The following ARHGEF3 variants were observed in gnomAD, a reference collection of about 807,000 sequenced individuals.
ARHGEF3 encodes 59.8 kDA protein.
In ARHGEF3, 28 loss-of-function variants were observed where a neutral mutation model predicts 63.2. That is an observed-to-expected ratio of 0.44 (90% CI 0.33 to 0.61). The LOEUF (loss-of-function observed/expected upper bound fraction) is 0.61. ARHGEF3 is among the 20% of genes least tolerant of loss of function. ARHGEF3 has a pLI of 0.03. For synonymous variants in ARHGEF3, 266 were observed against 254.2 expected (o/e 1.05, Z -0.44); for missense variants, 533 against 659.3 (o/e 0.81, Z 2.10).
In ARHGEF3 at chr3:56,962,663, T is replaced by C. The variant is rs1212132934; in HGVS notation, c.63-3774A>G. On this transcript the variant is annotated intron_variant, in intron 2 of 12. Transcript: ENST00000338458. ...GGGGTTGGAGTTGGGGGGCTGCTAT[T>C]GTGGAGGGAGGTTACAACCTTACAA... Among the ~76,000 whole-genome samples the C allele has an allele frequency of 2.6e-5, 4 of 152,120 alleles. 1 individual carries two copies. The highest frequency in any genetic ancestry group is 5.9e-5 in the Non-Finnish European group (4 of 68,006).
chr3:56,809,195 A>G (rs1431947716), intron 4 of ARHGEF3, among the ~76,000 whole-genome samples: 1 of 152,246 alleles, frequency 6.6e-6, no homozygotes, highest in Non-Finnish European at 1.5e-5. Flanking sequence ...AACACAAGAC[A>G]GACAAAAGAA....
In ARHGEF3 at chr3:56,745,267, G is replaced by A. The variant is rs1159186605; in HGVS notation, c.808C>T (p.Leu270Phe). ...RSRLVKYPLL[L>F]REILRHTPND... ...GGTGTGTGCCTCAAGATTTCTCGGAGAAGCAGAGGGTATTTTACCAGGCGG... is the reference window on the plus strand; with the variant it reads ...GGTGTGTGCCTCAAGATTTCTCGGAAAAGCAGAGGGTATTTTACCAGGCGG... Residue 270 changes from leucine (L) to phenylalanine (F), a missense_variant, in exon 7 of 10, where the codon CTC becomes TTC. Coordinates refer to ENST00000296315, the MANE Select transcript of ARHGEF3 (RefSeq NM_019555.3). The A allele has an allele frequency of 6.2e-7, 1 of 1,613,986 alleles. No individual in the cohort carries two copies. The highest frequency in any genetic ancestry group is 1.3e-5 in the African/African-American group (1 of 74,894).
Position 56,755,052 on chromosome 3 carries a change from T to G in ARHGEF3, c.304A>C (p.Lys102Gln). ...ACATCGAAGGTCTCACTCCACAGCT[T>G]GCTATCTCTCCGTTTCGTGCTCGAG... ...APSSTKRRDS[K>Q]LWSETFDVCV... is the part of the protein sequence containing the mutation. The change falls in exon 3 of 10, where the codon AAG (lysine) becomes CAG (glutamine). Residue 102 changes from lysine to glutamine, a missense_variant. Physicochemically the swap from Lys to Gln is moderately conservative, Grantham distance 53. Transcript: ENST00000296315. The G allele has an allele frequency of 6.2e-7, 1 of 1,614,124 alleles. No individual in the cohort carries two copies. The highest frequency in any genetic ancestry group is 8.5e-7 in the Non-Finnish European group (1 of 1,180,030).
At chr3:56,990,483 G>A (rs888574197) in intron 2 of ARHGEF3, among the ~76,000 whole-genome samples, 1 of 152,216 alleles carries the variant, frequency 6.6e-6, no homozygotes, top group Non-Finnish European at 1.5e-5. Context: ...ACACTCGGGA[G>A]GCTGAGGCAG....
intron 3 of ARHGEF3, among the ~76,000 whole-genome samples, chr3:56,918,077 C>T (rs2042031354): frequency 6.6e-6 from 1 of 152,184 alleles, no homozygotes; most frequent in Non-Finnish European, 1.5e-5. Context: ...GGGGTAAGGG[C>T]AGGTATTCCT....
intron 4 of ARHGEF3, among the ~76,000 whole-genome samples, chr3:56,815,276 A>C (rs1469631755): frequency 1.3e-5 from 2 of 152,240 alleles, no homozygotes. Context: ...AGGTGATTTA[A>C]ACATAAATGT....
At chr3:56,855,859 G>A (rs1044063554) in intron 4 of ARHGEF3, among the ~76,000 whole-genome samples, 5 of 152,114 alleles carry the variant, frequency 3.3e-5, no homozygotes, top group Non-Finnish European at 2.9e-5. Flanking sequence ...CACAGTTACC[G>A]TCAGAAAAGG....
chr3:56,737,160 C>T, intron 8 of ARHGEF3, 25 bp downstream of exon 8: 1 of 1,593,694 alleles, frequency 6.3e-7, no homozygotes, highest in Non-Finnish European at 8.6e-7. Flanking sequence ...GCGGATAAGA[C>T]TGCTTAAAGG....
At chr3:57,005,605 G>T (rs754680374) in intron 2 of ARHGEF3, among the ~76,000 whole-genome samples, 8 of 152,146 alleles carry the variant, frequency 5.3e-5, no homozygotes, top group Non-Finnish European at 1.2e-4. Context: ...TGCCCATCCT[G>T]CTCCCTATCG....
At chr3:57,057,270 C>T (rs1254876222) in intron 1 of ARHGEF3, among the ~76,000 whole-genome samples, 1 of 152,130 alleles carries the variant, frequency 6.6e-6, no homozygotes, top group Admixed American at 6.5e-5. Flanking sequence ...TGCCACCACA[C>T]TTGGCTAATT....
At chr3:56,988,037 T>C (rs1701610424) in intron 2 of ARHGEF3, among the ~76,000 whole-genome samples, 1 of 152,202 alleles carries the variant, frequency 6.6e-6, no homozygotes, top group African/African-American at 2.4e-5. Flanking sequence ...ACCTGCTAAG[T>C]GACCCTCAGC....
intron 1 of ARHGEF3, among the ~76,000 whole-genome samples, chr3:57,059,708 G>A (rs183038744): frequency 3.7e-4 from 57 of 152,222 alleles, no homozygotes; most frequent in African/African-American, 7.7e-4. Context: ...TTAAAAAGAC[G>A]AAGAGGGGCT....
intron 2 of ARHGEF3, among the ~76,000 whole-genome samples, chr3:56,971,283 C>T (rs989005363): frequency 8.5e-5 from 13 of 152,106 alleles, no homozygotes; most frequent in East Asian, 1.9e-4. Context: ...GTCTTCTAAG[C>T]GCCCGGCAGG....
chr3:56,807,722 G>C (rs2037913298), intron 4 of ARHGEF3, among the ~76,000 whole-genome samples: 1 of 152,184 alleles, frequency 6.6e-6, no homozygotes, highest in South Asian at 2.1e-4. Context: ...CTGCTAGATA[G>C]GTAAAAATGG....
At chr3:56,925,841 C>G (rs926908688) in intron 3 of ARHGEF3, among the ~76,000 whole-genome samples, 3 of 152,204 alleles carry the variant, frequency 2.0e-5, no homozygotes, top group African/African-American at 7.2e-5. Flanking sequence ...CAGCCTGGCT[C>G]TCATGGAGCC....
intron 4 of ARHGEF3, among the ~76,000 whole-genome samples, chr3:56,822,906 A>G (rs1318503445): frequency 6.6e-6 from 1 of 151,256 alleles, no homozygotes; most frequent in African/African-American, 2.4e-5. Flanking sequence ...ATGATGGGCC[A>G]TGTGGTTATG....
rs182982257 is a variant in ARHGEF3 at position 56,954,662 on chromosome 3, G to C, written c.129+4161C>G. ...AGGGTGGGAAAGTCCTGGAGGGTTG[G>C]TAACACCCAGGGCCTCTGTCTCCTT... On this transcript the variant is annotated intron_variant, in intron 3 of 12. Coordinates refer to the ARHGEF3 transcript ENST00000338458. Among the ~76,000 whole-genome samples, 69 of 152,290 alleles carry C rather than the reference G, an allele frequency of 4.5e-4. No homozygotes were observed. The East Asian group carries it at 8.3e-3, about 18-fold the overall frequency.
At chr3:56,866,047 C>T (rs543457573) in intron 4 of ARHGEF3, among the ~76,000 whole-genome samples, 8 of 151,972 alleles carry the variant, frequency 5.3e-5, no homozygotes, top group African/African-American at 1.7e-4. Context: ...CACCTGTGGT[C>T]CCAGCTACTC....
intron 2 of ARHGEF3, among the ~76,000 whole-genome samples, chr3:57,024,570 C>T (rs887015771): frequency 3.3e-5 from 5 of 152,106 alleles, no homozygotes; most frequent in East Asian, 1.9e-4. Flanking sequence ...TCACTGCAAG[C>T]GCTGCCTCCC....
Sources: gnomAD v4.1 joint callset for allele counts (sites outside exome capture counted in the v4.1 genomes callset) on GRCh38, gnomAD v4.1.1 for gene constraint, MANE v1.5 for transcripts, NCBI Gene and HGNC (gene_info 2026-07-23, HGNC 2026-07-21) for gene names.